Variants in NIPBL observed in about 807,000 individuals in gnomAD.
NIPBL encodes the protein nipped-B-like protein.
NIPBL carries 19 observed loss-of-function variants against 321.8 expected under a neutral mutation model. That is an observed-to-expected ratio of 0.06 (90% CI 0.04 to 0.09). NIPBL has a LOEUF of 0.09. NIPBL is among the 10% of genes least tolerant of loss of function. The pLI is 1.00. For missense variants in NIPBL, 2,210 were observed against 3,327.0 expected (o/e 0.66, Z 8.26); for synonymous variants, 1,106 against 1,114.1 (o/e 0.99, Z 0.14).
chr5:37,064,589 T>G lies in NIPBL; in HGVS notation c.8112T>G (p.Ser2704Arg). ...STELAAQMNE[S>R]VDVMDVIAIC... ...AGTTGGCAGCACAGATGAATGAAAG[T>G]GTTGACGTCATGGATGTCATCGCTA... The change falls in exon 47 of 47, where the codon AGT becomes AGG. Residue 2704 changes from serine to arginine, a missense_variant. Physicochemically the swap from Ser to Arg is moderately radical, Grantham distance 110. Around this residue, in one of 14 missense-constraint regions of NIPBL, gnomAD observed 159 missense variants for 319.2 expected, o/e 0.50. Coordinates refer to ENST00000282516, the MANE Select transcript of NIPBL (RefSeq NM_133433.4). The G allele has an allele frequency of 6.2e-7, 1 of 1,614,160 alleles. No individual in the cohort carries two copies. Among genetic ancestry groups the G allele is most frequent in the Non-Finnish European group, 8.5e-7 (1 of 1,180,028 alleles).
intron 42 of NIPBL, among the ~76,000 whole-genome samples, chr5:37,055,803 C>G (rs1754026035): frequency 1.3e-5 from 2 of 151,896 alleles, no homozygotes; most frequent in South Asian, 4.2e-4. Flanking sequence ...CCCAGGAGTT[C>G]CATACCAGCC....
In NIPBL at chr5:37,000,863, A is replaced by G; in HGVS notation, c.3549A>G (p.Ala1183=). The change falls in exon 13 of 47, where the codon GCA becomes GCG. Residue 1183 remains alanine, a synonymous_variant. Transcript: ENST00000282516. ...KKKEKQKKRK[A]YEPKLTPEEM... is the part of the protein sequence containing the mutation. ...AAGAAAAACAGAAGAAAAGGAAAGC[A>G]TATGAACCAAAACTAACACCTGAAG... 3 of 1,612,350 alleles carry G rather than the reference A, an allele frequency of 1.9e-6. No individual in the cohort carries two copies. Among genetic ancestry groups the G allele is most frequent in the Middle Eastern group, 1.7e-4 (1 of 6,048 alleles).
At chr5:36,878,479 C>T (rs1019675069) in intron 1 of NIPBL, among the ~76,000 whole-genome samples, 4 of 152,132 alleles carry the variant, frequency 2.6e-5, no homozygotes, top group African/African-American at 9.7e-5. Context: ...GAAAAGTGTA[C>T]CTGGGTTACA....
intron 34 of NIPBL, among the ~76,000 whole-genome samples, chr5:37,040,837 T>A (rs184165370): frequency 2.4e-4 from 36 of 152,322 alleles, no homozygotes; most frequent in Non-Finnish European, 4.0e-4. Context: ...ACAATCATTG[T>A]CATTATTTAG....
Position 36,885,450 on chromosome 5 carries a change from C to A in NIPBL, c.-80+8272C>A, listed in dbSNP as rs1263268696. 3 of 469,762 alleles carry A rather than the reference C, an allele frequency of 6.4e-6. No individual in the cohort carries two copies. In the East Asian group the frequency reaches 1.6e-4, roughly 25 times the overall value. 29.1% of individuals were successfully genotyped at this position (469,762 alleles called of 1,614,324 possible). The stretch of plus-strand genomic sequence containing the variant: ...ATGGGAGGCATCCAGAACAAGGAGA[C>A]CCTCCAAAGCCTGAACAACCACCTG... On this transcript the variant is annotated intron_variant, in intron 1 of 46. Coordinates refer to ENST00000282516, the MANE Select transcript of NIPBL (RefSeq NM_133433.4).
intron 1 of NIPBL, among the ~76,000 whole-genome samples, chr5:36,932,803 T>TTTTA (rs1561401469): frequency 1.4e-5 from 2 of 138,554 alleles, no homozygotes; most frequent in East Asian, 2.3e-4. Flanking sequence ...TTTTTTTTTT[T>TTTTA]AAAGAACAGG....
intron 1 of NIPBL, among the ~76,000 whole-genome samples, chr5:36,918,510 C>G (rs916523399): frequency 1.3e-5 from 2 of 152,050 alleles, no homozygotes; most frequent in African/African-American, 4.8e-5. Context: ...ATTGAATACC[C>G]TTTATTTTTT....
At position 36,958,244 on chromosome 5, in the gene NIPBL, A is replaced by G. The variant is rs1160631844; in HGVS notation, c.358+13A>G. 2.5e-6 allele frequency: 4 copies of G among 1,612,706 alleles called. No homozygotes were observed. The highest frequency in any genetic ancestry group is 2.7e-5 in the African/African-American group (2 of 74,892). On this transcript the variant is annotated intron_variant, in intron 4 of 46. Coordinates refer to ENST00000282516, the MANE Select transcript of NIPBL (RefSeq NM_133433.4). ...TATGTACAAAGTGGTGAGTTTCTTA[A>G]TAACTGAATTCCCATATCAAACTTG...
intron 1 of NIPBL, among the ~76,000 whole-genome samples, chr5:36,916,582 T>C (rs917474489): frequency 6.6e-6 from 1 of 152,172 alleles, no homozygotes; most frequent in African/African-American, 2.4e-5. Context: ...ACATGTGCCA[T>C]GTTGGTGTGC....
intron 30 of NIPBL, 151 bp downstream of exon 30, chr5:37,024,870 T>A (rs893839134): frequency 4.7e-6 from 3 of 635,446 alleles, no homozygotes; most frequent in South Asian, 2.7e-5. Context: ...TACTTTAATT[T>A]TTTTTGTTTC....
At position 37,060,998 on chromosome 5, in the gene NIPBL, A is replaced by G. The variant is rs1352584267; in HGVS notation, c.7840A>G (p.Ile2614Val). The change falls in exon 45 of 47, where the codon ATA becomes GTA. Residue 2614 changes from isoleucine (I) to valine (V), a missense_variant. By Grantham distance (29) the Ile-to-Val change is conservative. Around this residue, in one of 14 missense-constraint regions of NIPBL, gnomAD observed 159 missense variants for 319.2 expected, o/e 0.50. Coordinates refer to ENST00000282516, the MANE Select transcript of NIPBL (RefSeq NM_133433.4). ...SKITEEVKRS[I>V]VKQYLDFKLL... ...AATCACAGAAGAGGTGAAAAGGAGT[A>G]TAGTAAAACAGTATCTAGATGTGAG... 1.2e-6 allele frequency: 2 copies of G among 1,614,016 alleles called. No individual in the cohort carries two copies. The highest frequency in any genetic ancestry group is 1.3e-5 in the African/African-American group (1 of 74,928).
chr5:37,008,302 T>C (rs753638673), intron 19 of NIPBL, among the ~76,000 whole-genome samples: 1 of 152,124 alleles, frequency 6.6e-6, no homozygotes, highest in Non-Finnish European at 1.5e-5. Context: ...TTTTGTCACA[T>C]TTAAAACACT....
chr5:36,976,512 C>T, intron 9 of NIPBL, 110 bp downstream of exon 9: 1 of 1,032,442 alleles, frequency 9.7e-7, no homozygotes, highest in Admixed American at 2.1e-5. Context: ...TAATTTATGT[C>T]TACTCAAGTA....
At chr5:37,000,264 G>A in intron 11 of NIPBL, 109 bp from the exon 12 acceptor site, 2 of 1,016,398 alleles carry the variant, frequency 2.0e-6, no homozygotes, top group South Asian at 2.8e-5. Context: ...GAATTTCCTA[G>A]ACCCTATGGA....
chr5:37,047,526 G>A (rs1753105757), intron 38 of NIPBL, among the ~76,000 whole-genome samples: 1 of 152,134 alleles, frequency 6.6e-6, no homozygotes, highest in African/African-American at 2.4e-5. Flanking sequence ...TTAAATTGAT[G>A]CAATATTAAC....
chr5:36,892,851 A>G (rs1746447476), intron 1 of NIPBL, among the ~76,000 whole-genome samples: 1 of 152,164 alleles, frequency 6.6e-6, no homozygotes, highest in Non-Finnish European at 1.5e-5. Flanking sequence ...TGACAAGTTA[A>G]TGGGTGCAGC....
At chr5:36,967,568 GTGAGGGGAGTA>G (rs1334737232) in intron 6 of NIPBL, among the ~76,000 whole-genome samples, 1 of 152,180 alleles carries the variant, frequency 6.6e-6, no homozygotes, top group Admixed American at 6.5e-5. Context: ...ATCAGGTGAA[GTGAGGGGAGTA>G]TGAGAAAGGA....
Position 37,024,739 on chromosome 5 carries a change from A to G in NIPBL, c.5709+20A>G. 1.3e-6 allele frequency: 2 copies of G among 1,595,118 alleles called. No individual in the cohort carries two copies. The highest frequency in any genetic ancestry group is 1.7e-6 in the Non-Finnish European group (2 of 1,167,964). On this transcript the variant is annotated intron_variant, in intron 30 of 46. Coordinates refer to ENST00000282516, the MANE Select transcript of NIPBL (RefSeq NM_133433.4). ...ATTAAGGTAGTGTTGACTGTTTTAA[A>G]TTTATTTTTCATTAATGTTTAAAAT...
chr5:36,922,296 T>A (rs1437154441), intron 1 of NIPBL, among the ~76,000 whole-genome samples: 1 of 152,172 alleles, frequency 6.6e-6, no homozygotes, highest in Non-Finnish European at 1.5e-5. Flanking sequence ...TCTTAAAAAT[T>A]GGATTTTTAT....
Sources: gnomAD v4.1 joint callset for allele counts (sites outside exome capture counted in the v4.1 genomes callset) on GRCh38, gnomAD v4.1.1 for gene constraint, gnomAD v4.1.1 regional missense constraint, MANE v1.5 for transcripts, NCBI Gene and HGNC (gene_info 2026-07-23, HGNC 2026-07-21) for gene names.